Variants in SHISA9 observed in about 807,000 individuals in gnomAD.
SHISA9 encodes the protein protein shisa-9.
Under a neutral mutation model 38.0 loss-of-function variants are expected in SHISA9, and 13 were observed. The observed-to-expected ratio is 0.34, with a 90% CI of 0.22 to 0.54. The LOEUF (loss-of-function observed/expected upper bound fraction) is 0.54. SHISA9 is among the 20% of genes least tolerant of loss of function. SHISA9 has a pLI of 0.91. For synonymous variants in SHISA9, 275 were observed against 242.0 expected (o/e 1.14, Z -1.27); for missense variants, 538 against 575.8 (o/e 0.93, Z 0.67).
chr16:13,326,661 C>T, the SHISA9 span, among the ~76,000 whole-genome samples: 1 of 152,068 alleles, frequency 6.6e-6, no homozygotes, highest in East Asian at 1.9e-4. Context: ...TTGGAGGTTG[C>T]AGTGAGCTGA....
intron 1 of SHISA9, among the ~76,000 whole-genome samples, chr16:12,907,830 C>T (rs2071123037): frequency 6.6e-6 from 1 of 152,182 alleles, no homozygotes; most frequent in African/African-American, 2.4e-5. Flanking sequence ...TTTCACGCAG[C>T]AGCTATTGGT....
the SHISA9 span, among the ~76,000 whole-genome samples, chr16:13,485,867 G>T: frequency 3.9e-5 from 6 of 152,158 alleles, no homozygotes; most frequent in Admixed American, 3.3e-4. Context: ...TTAAGCTCCA[G>T]TATATGAGTG....
intron 2 of SHISA9, among the ~76,000 whole-genome samples, chr16:12,943,352 A>T: frequency 9.6e-5 from 5 of 52,080 alleles, no homozygotes; most frequent in Non-Finnish European, 1.4e-4. Flanking sequence ...AGAGAGAGAG[A>T]GAGAGAGAGA....
At chr16:13,381,209 G>C in the SHISA9 span, among the ~76,000 whole-genome samples, 21 of 152,248 alleles carry the variant, frequency 1.4e-4, no homozygotes, top group Admixed American at 1.0e-3. Flanking sequence ...CAGCTGGGAA[G>C]TAGGCCTAGA....
chr16:13,078,297 G>A (rs1014269851), intron 2 of SHISA9, among the ~76,000 whole-genome samples: 12 of 152,174 alleles, frequency 7.9e-5, no homozygotes, highest in South Asian at 2.1e-4. Context: ...ACTTTAGATC[G>A]TCTCTAGGTT....
At chr16:12,934,868 A>C (rs1355023342) in intron 2 of SHISA9, among the ~76,000 whole-genome samples, 2 of 152,200 alleles carry the variant, frequency 1.3e-5, no homozygotes, top group African/African-American at 4.8e-5. Flanking sequence ...TTCAGACTTA[A>C]GCAAAAAAGG....
chr16:12,941,686 C>T (rs2071613986), intron 2 of SHISA9, among the ~76,000 whole-genome samples: 1 of 152,146 alleles, frequency 6.6e-6, no homozygotes, highest in South Asian at 2.1e-4. Flanking sequence ...AACCCCATCT[C>T]TACTAAAAAT....
chr16:13,287,935 T>C, the SHISA9 span, among the ~76,000 whole-genome samples: 2 of 152,090 alleles, frequency 1.3e-5, no homozygotes, highest in Non-Finnish European at 2.9e-5. Context: ...GCCCCTTCGC[T>C]AATGGGTGAA....
chr16:12,949,239 C>T (rs952787164), intron 2 of SHISA9, among the ~76,000 whole-genome samples: 2 of 152,134 alleles, frequency 1.3e-5, no homozygotes, highest in African/African-American at 4.8e-5. Context: ...CGAGAGTGGG[C>T]AAGGAAGCAA....
chr16:13,434,435 T>TTTTTTTTTTTTTTTTTTTA, the SHISA9 span, among the ~76,000 whole-genome samples: 1 of 149,868 alleles, frequency 6.7e-6, no homozygotes, highest in South Asian at 2.2e-4. Context: ...TTTTTTTTTT[T>TTTTTTTTTTTTTTTTTTTA]GAGATCGAGT....
chr16:13,223,862 A>G (rs1218409000), intron 4 of SHISA9, among the ~76,000 whole-genome samples: 2 of 152,188 alleles, frequency 1.3e-5, no homozygotes, highest in Admixed American at 1.3e-4. Context: ...ATTGCAGGCA[A>G]TGTAGAATGC....
chr16:13,322,666 C>A, the SHISA9 span, among the ~76,000 whole-genome samples: 1 of 152,222 alleles, frequency 6.6e-6, no homozygotes, highest in Non-Finnish European at 1.5e-5. Flanking sequence ...TGCAGATGCG[C>A]TTCCCTCACC....
At chr16:13,297,346 G>T in the SHISA9 span, among the ~76,000 whole-genome samples, 1 of 152,106 alleles carries the variant, frequency 6.6e-6, no homozygotes, top group African/African-American at 2.4e-5. Context: ...TGATAATTTG[G>T]CCATATAATT....
chr16:13,122,657 A>C (rs150036750), intron 2 of SHISA9, among the ~76,000 whole-genome samples: 1,710 of 152,352 alleles, frequency 0.011, 25 homozygotes, highest in Admixed American at 0.032. Flanking sequence ...CATTGACATT[A>C]GCAGACTGTC....
chr16:13,533,498 A>G, the SHISA9 span, among the ~76,000 whole-genome samples: 6 of 152,034 alleles, frequency 3.9e-5, no homozygotes, highest in Middle Eastern at 3.4e-3. Context: ...CCAACCTCCA[A>G]TGCTTCTCCA....
chr16:13,396,734 C>T, the SHISA9 span, among the ~76,000 whole-genome samples: 1 of 152,178 alleles, frequency 6.6e-6, no homozygotes, highest in African/African-American at 2.4e-5. Context: ...TCTTCCCTTT[C>T]TTGTGACTCC....
downstream of SHISA9, among the ~76,000 whole-genome samples, chr16:13,240,936 A>C (rs1267808126): frequency 6.6e-6 from 1 of 151,610 alleles, no homozygotes; most frequent in Non-Finnish European, 1.5e-5. Context: ...AATGAAGAGA[A>C]TACTGGGAGG....
intron 2 of SHISA9, among the ~76,000 whole-genome samples, chr16:13,001,592 A>G (rs768380309): frequency 6.6e-6 from 1 of 152,250 alleles, no homozygotes; most frequent in Non-Finnish European, 1.5e-5. Context: ...AATGGCAAAA[A>G]AGCCTTCTGG....
At chr16:13,275,831 C>A in the SHISA9 span, among the ~76,000 whole-genome samples, 1 of 151,906 alleles carries the variant, frequency 6.6e-6, no homozygotes, top group South Asian at 2.1e-4. Flanking sequence ...CTTCCTGATT[C>A]TGTTACTTTG....
Sources: gnomAD v4.1 joint callset for allele counts (sites outside exome capture counted in the v4.1 genomes callset) on GRCh38, gnomAD v4.1.1 for gene constraint, MANE v1.5 for transcripts, NCBI Gene and HGNC (gene_info 2026-07-23, HGNC 2026-07-21) for gene names.